UNC5D: variants seen among roughly 807,000 people sequenced by gnomAD.
The protein encoded by UNC5D is netrin receptor UNC5D.
UNC5D carries 39 observed loss-of-function variants against 105.4 expected under a neutral mutation model. The observed-to-expected ratio is 0.37, with a 90% CI of 0.29 to 0.48. The LOEUF (loss-of-function observed/expected upper bound fraction) is 0.48. Among genes scored for constraint, UNC5D ranks in the 20% least tolerant of loss-of-function variants. The pLI is 0.98. For synonymous variants in UNC5D, 452 were observed against 450.4 expected (o/e 1.00, Z -0.04); for missense variants, 991 against 1,202.4 (o/e 0.82, Z 2.60).
chr8:35,684,515 G>C, intron 5 of UNC5D, 67 bp from the exon 6 acceptor site: 6 of 1,562,546 alleles, frequency 3.8e-6, no homozygotes, highest in South Asian at 1.2e-5. Context: ...ACAGTGGCTT[G>C]CACATAGTAG....
intron 1 of UNC5D, among the ~76,000 whole-genome samples, chr8:35,414,187 A>G (rs1477398010): frequency 6.6e-6 from 1 of 152,148 alleles, no homozygotes; most frequent in Non-Finnish European, 1.5e-5. Context: ...TAACATCTAA[A>G]ATAGACCCAA....
intron 4 of UNC5D, among the ~76,000 whole-genome samples, chr8:35,663,628 T>C (rs1158947261): frequency 6.6e-6 from 1 of 152,118 alleles, no homozygotes; most frequent in Non-Finnish European, 1.5e-5. Flanking sequence ...GCAGCAATGA[T>C]GTATGTAGTG....
At chr8:35,335,195 T>G (rs1355914182) in intron 1 of UNC5D, among the ~76,000 whole-genome samples, 1 of 152,240 alleles carries the variant, frequency 6.6e-6, no homozygotes, top group African/African-American at 2.4e-5. Flanking sequence ...TGATGGGCGC[T>G]GGGATTGTTT....
rs114657737 is a variant in UNC5D, at chr8:35,258,076, A to G, written c.103+22189A>G. On this transcript the variant is annotated intron_variant, in intron 1 of 16. Coordinates refer to ENST00000404895, the MANE Select transcript of UNC5D (RefSeq NM_080872.4). The stretch of plus-strand genomic sequence containing the variant: ...CATGGTTTTGGAGGTTGGCAAGTCC[A>G]AGATATCAATGTGCCTGAGATTTGA... Among the ~76,000 whole-genome samples the G allele has an allele frequency of 4.1e-3, 626 of 152,300 alleles. 5 individuals are homozygous for G. The highest frequency in any genetic ancestry group is 0.014 in the African/African-American group (589 of 41,572).
Position 35,528,669 on chromosome 8 carries a change from TA to T in UNC5D, c.104-20619del, listed in dbSNP as rs1373588716. 2.8e-5 allele frequency among the ~76,000 whole-genome samples: 4 copies of T among 144,620 alleles called. No homozygotes were observed. In the East Asian group the frequency reaches 6.4e-4, roughly 23 times the overall value. The allele number at this position is 144,620 out of a possible 152,430, so 94.9% of individuals were successfully genotyped here. A position where few individuals can be genotyped will look rare whatever the true frequency, so the allele number is the denominator to read the frequency against. On this transcript the variant is annotated intron_variant, in intron 1 of 16. Transcript: ENST00000404895. ...CTAGTTTACAGTCCCACCAACAGTG[TA>T]AAAGTGTTCTTATTTCTCCACATCC... is the stretch of plus-strand genomic sequence containing the variant.
Position 35,726,300 on chromosome 8 carries a change from A to C in UNC5D, c.1452A>C (p.Lys484Asn). 1.2e-6 allele frequency: 2 copies of C among 1,614,100 alleles called. No individual in the cohort carries two copies. The highest frequency in any genetic ancestry group is 1.7e-6 in the Non-Finnish European group (2 of 1,180,008). ...LFNPLSDIKV[K>N]VQSSFMVSLG... Reference sequence around the variant, plus strand: ...ACCCTTTGTCGGACATCAAAGTGAAAGTCCAGAGCTCGTTCATGGTTTCCC... The same window carrying C: ...ACCCTTTGTCGGACATCAAAGTGAACGTCCAGAGCTCGTTCATGGTTTCCC... The change falls in exon 10 of 17, where the codon AAA (lysine) becomes AAC (asparagine). Residue 484 changes from lysine (K) to asparagine (N), a missense_variant. Coordinates refer to ENST00000404895, the MANE Select transcript of UNC5D (RefSeq NM_080872.4).
chr8:35,588,655 C>G (rs566022170), intron 3 of UNC5D, among the ~76,000 whole-genome samples: 1 of 152,136 alleles, frequency 6.6e-6, no homozygotes, highest in Non-Finnish European at 1.5e-5. Flanking sequence ...GTCAGGTACC[C>G]CATTGCCTGG....
intron 4 of UNC5D, among the ~76,000 whole-genome samples, chr8:35,642,252 A>T (rs1397933672): frequency 6.6e-6 from 1 of 152,184 alleles, no homozygotes; most frequent in Non-Finnish European, 1.5e-5. Flanking sequence ...CTGTGAAATT[A>T]GCCACATTAT....
At chr8:35,654,750 T>C (rs1322254494) in intron 4 of UNC5D, among the ~76,000 whole-genome samples, 3 of 152,158 alleles carry the variant, frequency 2.0e-5, no homozygotes, top group Non-Finnish European at 2.9e-5. Context: ...TTCTTTCTTT[T>C]GGGAGGGATG....
chr8:35,695,710 ATTATTTAT>A (rs59029374), intron 7 of UNC5D, among the ~76,000 whole-genome samples: 6,873 of 146,380 alleles, frequency 0.047, 435 homozygotes, highest in African/African-American at 0.14. Flanking sequence ...GTATTTTTAT[ATTATTTAT>A]TTATTTATTT....
chr8:35,767,191 T>G (rs1314205911), intron 15 of UNC5D, 125 bp downstream of exon 15: 13 of 1,146,290 alleles, frequency 1.1e-5, no homozygotes, highest in Non-Finnish European at 1.4e-5. Context: ...ACTCTTCATC[T>G]TCATTACTGA....
chr8:35,307,405 C>A (rs1430709939), intron 1 of UNC5D, among the ~76,000 whole-genome samples: 1 of 152,014 alleles, frequency 6.6e-6, no homozygotes, highest in Non-Finnish European at 1.5e-5. Flanking sequence ...TGTTGAGGGG[C>A]CTAGGTGAGG....
intron 1 of UNC5D, among the ~76,000 whole-genome samples, chr8:35,381,213 A>G (rs1803025368): frequency 6.6e-6 from 1 of 152,228 alleles, no homozygotes; most frequent in Admixed American, 6.5e-5. Flanking sequence ...AACGTCTAGG[A>G]ATTTGAATGA....
intron 4 of UNC5D, among the ~76,000 whole-genome samples, chr8:35,608,005 A>G (rs758712763): frequency 1.3e-5 from 2 of 152,124 alleles, no homozygotes; most frequent in Admixed American, 6.6e-5. Context: ...CCATTAGACT[A>G]TGGCTGACTG....
intron 1 of UNC5D, among the ~76,000 whole-genome samples, chr8:35,349,102 T>C (rs892243400): frequency 2.0e-5 from 3 of 151,928 alleles, no homozygotes; most frequent in Non-Finnish European, 2.9e-5. Context: ...CTGTGTGATA[T>C]ATTGTTTGGT....
At chr8:35,268,534 G>A (rs1236842544) in intron 1 of UNC5D, among the ~76,000 whole-genome samples, 1 of 151,874 alleles carries the variant, frequency 6.6e-6, no homozygotes, top group Non-Finnish European at 1.5e-5. Flanking sequence ...CTCTGGCTAG[G>A]GTTATTAATA....
At chr8:35,397,237 T>C (rs539116749) in intron 1 of UNC5D, among the ~76,000 whole-genome samples, 2 of 152,314 alleles carry the variant, frequency 1.3e-5, no homozygotes, top group South Asian at 4.1e-4. Context: ...AGGCTGATCC[T>C]GTAGATACCC....
At chr8:35,358,460 G>T (rs1023304465) in intron 1 of UNC5D, among the ~76,000 whole-genome samples, 2 of 152,092 alleles carry the variant, frequency 1.3e-5, no homozygotes, top group African/African-American at 4.8e-5. Flanking sequence ...CACAGGGAGG[G>T]GAATAATACA....
At chr8:35,246,112 T>C (rs943594453) in intron 1 of UNC5D, among the ~76,000 whole-genome samples, 6 of 152,172 alleles carry the variant, frequency 3.9e-5, no homozygotes, top group African/African-American at 1.2e-4. Context: ...GAAACATCAC[T>C]TTTTTCTCTA....
Sources: allele counts gnomAD v4.1 joint callset (sites outside exome capture counted in the v4.1 genomes callset), GRCh38; gene constraint gnomAD v4.1.1; transcripts MANE v1.5; gene names NCBI Gene and HGNC (gene_info 2026-07-23, HGNC 2026-07-21).